NEGR1: variants seen among roughly 807,000 people sequenced by gnomAD.
NEGR1 encodes the protein neuronal growth regulator 1.
NEGR1 carries 10 observed loss-of-function variants against 40.9 expected under a neutral mutation model. The observed-to-expected ratio is 0.24, with a 90% confidence interval of 0.15 to 0.42. NEGR1 has a LOEUF of 0.42. Among genes scored for constraint, NEGR1 ranks in the 10% least tolerant of loss-of-function variants. The probability of loss-of-function intolerance (pLI) is 1.00; values close to 1 mark genes in which losing one functional copy is unlikely to be tolerated. For synonymous variants in NEGR1, 185 were observed against 166.8 expected (o/e 1.11, Z -0.84); for missense variants, 352 against 438.9 (o/e 0.80, Z 1.77).
intron 3 of NEGR1, among the ~76,000 whole-genome samples, chr1:71,744,244 T>C (rs1473271248): frequency 6.7e-6 from 1 of 149,774 alleles, no homozygotes; most frequent in Non-Finnish European, 1.5e-5. Flanking sequence ...ATTTATCCTT[T>C]GTAAAGGAAG....
At chr1:72,186,881 G>A (rs1434567121) in intron 1 of NEGR1, among the ~76,000 whole-genome samples, 1 of 151,510 alleles carries the variant, frequency 6.6e-6, no homozygotes, top group Admixed American at 6.6e-5. Context: ...ATACTCCATG[G>A]TATGCTTTGT....
At chr1:71,651,000 A>G (rs1464694760) in intron 4 of NEGR1, among the ~76,000 whole-genome samples, 7 of 152,152 alleles carry the variant, frequency 4.6e-5, no homozygotes, top group Non-Finnish European at 1.0e-4. Flanking sequence ...AGCAAAACAA[A>G]CAGAAACCCA....
chr1:71,644,305 C>T (rs927921055), intron 4 of NEGR1, among the ~76,000 whole-genome samples: 4 of 151,846 alleles, frequency 2.6e-5, no homozygotes, highest in Non-Finnish European at 5.9e-5. Context: ...CTTCTAGTCC[C>T]CGCTCACACA....
rs561313320 is a variant in NEGR1, at chr1:71,886,930, G to A, written c.409+48149C>T. On this transcript the variant is annotated intron_variant, in intron 2 of 6. Transcript: ENST00000357731. ...GGTGCAAAATATAATTGACCCTTGA[G>A]CAATGTGGGAGTTAGCACTGAACAC... Among the ~76,000 whole-genome samples the A allele has an allele frequency of 6.6e-5, 10 of 152,242 alleles. No individual in the cohort carries two copies. The South Asian group carries it at 1.7e-3, about 25-fold the overall frequency.
intron 6 of NEGR1, among the ~76,000 whole-genome samples, chr1:71,474,658 C>G (rs2101362156): frequency 7.2e-6 from 1 of 138,748 alleles, no homozygotes; most frequent in East Asian, 2.3e-4. Context: ...TTGCAGTGAG[C>G]CAAATTGTAC....
chr1:72,192,099 G>A, intron 1 of NEGR1, among the ~76,000 whole-genome samples: 1 of 151,838 alleles, frequency 6.6e-6, no homozygotes, highest in Non-Finnish European at 1.5e-5. Flanking sequence ...GGTGACTCAA[G>A]CATGTTGGTT....
chr1:71,413,482 T>C (rs1429399606), intron 6 of NEGR1, among the ~76,000 whole-genome samples: 1 of 152,232 alleles, frequency 6.6e-6, no homozygotes, highest in Non-Finnish European at 1.5e-5. Context: ...TACAAAAATA[T>C]TAATTCTCTA....
intron 6 of NEGR1, among the ~76,000 whole-genome samples, chr1:71,476,407 G>A (rs1310242952): frequency 6.6e-6 from 1 of 152,046 alleles, no homozygotes; most frequent in Non-Finnish European, 1.5e-5. Flanking sequence ...TCCAAAGAGA[G>A]GTCTGGCCTT....
intron 2 of NEGR1, among the ~76,000 whole-genome samples, chr1:71,788,565 A>T (rs1257819099): frequency 2.6e-5 from 4 of 152,142 alleles, no homozygotes; most frequent in African/African-American, 9.7e-5. Flanking sequence ...ACAAAAACTC[A>T]AATTTTCAGA....
intron 2 of NEGR1, among the ~76,000 whole-genome samples, chr1:71,863,680 C>T (rs895543062): frequency 1.3e-5 from 2 of 152,088 alleles, no homozygotes; most frequent in East Asian, 1.9e-4. Flanking sequence ...CTCTTTGTTT[C>T]GATTACAGTT....
At chr1:72,216,831 A>T (rs188645516) in intron 1 of NEGR1, among the ~76,000 whole-genome samples, 2 of 151,720 alleles carry the variant, frequency 1.3e-5, no homozygotes, top group East Asian at 3.9e-4. Context: ...TATGATGATG[A>T]TTATAGAATC....
rs543446181 is a variant in NEGR1 at position 72,160,224 on chromosome 1, G to A, written c.176+122095C>T. ...TGCTACCATCTCAGAAGAAACAGGA[G>A]TTGATGCGTGAACAATATTAGCACA... On this transcript the variant is annotated intron_variant, in intron 1 of 6. Coordinates refer to ENST00000357731, the MANE Select transcript of NEGR1 (RefSeq NM_173808.3). Among the ~76,000 whole-genome samples the A allele has an allele frequency of 1.1e-3, 162 of 152,218 alleles. 1 individual carries two copies. Among genetic ancestry groups the A allele is most frequent in the African/African-American group, 3.6e-3 (150 of 41,548 alleles).
rs1037326318 is a variant in NEGR1, at chr1:71,570,377, A to C, written c.940+22440T>G. 6.6e-5 allele frequency among the ~76,000 whole-genome samples: 10 copies of C among 152,230 alleles called. No homozygotes were observed. The East Asian group carries it at 1.9e-3, about 29-fold the overall frequency. Reference sequence around the variant, plus strand: ...GGGGGTTTTTATATATCTTAGAAAAACTGCCCATGGTACATTAACTGGAGT... The same window carrying C: ...GGGGGTTTTTATATATCTTAGAAAACCTGCCCATGGTACATTAACTGGAGT... On this transcript the variant is annotated intron_variant, in intron 6 of 6. Coordinates refer to ENST00000357731, the MANE Select transcript of NEGR1 (RefSeq NM_173808.3).
chr1:71,671,741 T>C (rs1652439395), intron 4 of NEGR1, among the ~76,000 whole-genome samples: 1 of 152,160 alleles, frequency 6.6e-6, no homozygotes, highest in African/African-American at 2.4e-5. Context: ...CAACCTTCTT[T>C]GACTGCAACT....
At chr1:72,145,109 G>C (rs1650857090) in intron 1 of NEGR1, among the ~76,000 whole-genome samples, 3 of 152,032 alleles carry the variant, frequency 2.0e-5, no homozygotes, top group South Asian at 4.1e-4. Flanking sequence ...TTTATAAAGA[G>C]TGAGGTTTTA....
intron 1 of NEGR1, among the ~76,000 whole-genome samples, chr1:72,254,959 A>C (rs1471421524): frequency 6.6e-6 from 1 of 152,094 alleles, no homozygotes; most frequent in Non-Finnish European, 1.5e-5. Context: ...ATGTATTAAA[A>C]ATTTATATAT....
At chr1:71,567,321 G>C (rs887247747) in intron 6 of NEGR1, among the ~76,000 whole-genome samples, 4 of 152,034 alleles carry the variant, frequency 2.6e-5, no homozygotes, top group African/African-American at 9.7e-5. Context: ...TATAGATTCT[G>C]CTATGAATGT....
intron 2 of NEGR1, among the ~76,000 whole-genome samples, chr1:71,852,042 A>G (rs1335999672): frequency 1.3e-5 from 2 of 152,208 alleles, no homozygotes; most frequent in Non-Finnish European, 1.5e-5. Flanking sequence ...CTGTATTTGA[A>G]TTATAAAGCT....
At chr1:71,573,261 C>G (rs1004216025) in intron 6 of NEGR1, among the ~76,000 whole-genome samples, 1 of 152,094 alleles carries the variant, frequency 6.6e-6, no homozygotes, top group African/African-American at 2.4e-5. Flanking sequence ...AAGATTGATA[C>G]GAAGTATGTA....
Sources: allele counts gnomAD v4.1 joint callset (sites outside exome capture counted in the v4.1 genomes callset), GRCh38; gene constraint gnomAD v4.1.1; transcripts MANE v1.5; gene names NCBI Gene and HGNC (gene_info 2026-07-23, HGNC 2026-07-21).